VPS13D: variants seen among roughly 807,000 people sequenced by gnomAD.
VPS13D encodes intermembrane lipid transfer protein VPS13D.
A neutral mutation model predicts 461.9 loss-of-function variants in VPS13D; 187 were observed. The ratio of observed to expected loss-of-function variants is 0.40; its 90% CI spans 0.36 to 0.46. The LOEUF is 0.46. Among genes scored for constraint, VPS13D ranks in the 20% least tolerant of loss-of-function variants. The pLI, the probability that VPS13D is intolerant of heterozygous loss-of-function variation, is 0.60. For synonymous variants in VPS13D, 1,951 were observed against 1,986.3 expected (o/e 0.98, Z 0.47); for missense variants, 4,711 against 5,364.9 (o/e 0.88, Z 3.81).
intron 36 of VPS13D, 101 bp from the exon 37 acceptor site, chr1:12,329,728 C>T (rs1643281660): frequency 1.3e-6 from 1 of 796,222 alleles, no homozygotes; most frequent in Admixed American, 2.3e-5. Context: ...GTGTGCTCTC[C>T]TTTGCGAGTA....
chr1:12,487,615 A>G (rs1645815249), intron 67 of VPS13D, among the ~76,000 whole-genome samples: 1 of 151,084 alleles, frequency 6.6e-6, no homozygotes, highest in Non-Finnish European at 1.5e-5. Context: ...CATCTCAAAA[A>G]AAAAAAAAAA....
intron 6 of VPS13D, among the ~76,000 whole-genome samples, chr1:12,252,929 C>T (rs374834411): frequency 6.6e-6 from 1 of 151,938 alleles, no homozygotes; most frequent in East Asian, 1.9e-4. Flanking sequence ...GAGGCCGAGA[C>T]GGGTGGATCA....
chr1:12,426,385 A>G (rs551185606), intron 65 of VPS13D, among the ~76,000 whole-genome samples: 5 of 152,288 alleles, frequency 3.3e-5, no homozygotes, highest in Non-Finnish European at 7.4e-5. Context: ...TCTTTAAGCC[A>G]TTTCCTGAAC....
At chr1:12,399,846 A>G (rs999940105) in intron 60 of VPS13D, among the ~76,000 whole-genome samples, 1 of 152,278 alleles carries the variant, frequency 6.6e-6, no homozygotes, top group East Asian at 1.9e-4. Flanking sequence ...GTATATATTC[A>G]TCGTGTACAA....
intron 31 of VPS13D, among the ~76,000 whole-genome samples, chr1:12,318,992 A>G (rs981867277): frequency 6.6e-6 from 1 of 152,236 alleles, no homozygotes; most frequent in Non-Finnish European, 1.5e-5. Flanking sequence ...TGAATTTACT[A>G]TTAAATATAT....
intron 65 of VPS13D, among the ~76,000 whole-genome samples, chr1:12,419,848 C>T (rs1246409630): frequency 6.6e-6 from 1 of 152,134 alleles, no homozygotes; most frequent in African/African-American, 2.4e-5. Flanking sequence ...GCTGTGCGAA[C>T]ATCATAGAGT....
intron 9 of VPS13D, 56 bp downstream of exon 9, chr1:12,257,143 T>C: frequency 1.3e-6 from 2 of 1,488,464 alleles, no homozygotes; most frequent in East Asian, 2.3e-5. Context: ...TCTTGCTATG[T>C]ACATAGATCA....
At position 12,397,370 on chromosome 1, in the gene VPS13D, C is replaced by T. The variant is rs76462429; in HGVS notation, c.11635-2811C>T. 5.1e-3 allele frequency among the ~76,000 whole-genome samples: 777 copies of T among 152,342 alleles called. 1 individual carries two copies. The highest frequency in any genetic ancestry group is 0.018 in the African/African-American group (751 of 41,558). ...AAAAATAGAAAATAGAGATCCTCTCCTTAGGCAGCATCCGATCTAATTAGG... is the reference window on the plus strand; with the variant it reads ...AAAAATAGAAAATAGAGATCCTCTCTTTAGGCAGCATCCGATCTAATTAGG... On this transcript the variant is annotated intron_variant, in intron 60 of 69. Transcript: ENST00000620676.
intron 36 of VPS13D, among the ~76,000 whole-genome samples, chr1:12,328,776 G>A (rs1485467055): frequency 6.6e-6 from 1 of 152,092 alleles, no homozygotes; most frequent in East Asian, 1.9e-4. Flanking sequence ...CTGACCTCAG[G>A]GATCTGCCCG....
intron 68 of VPS13D, chr1:12,499,658 T>C (rs934615548): frequency 1.0e-6 from 1 of 985,330 alleles, no homozygotes; most frequent in African/African-American, 1.7e-5. Context: ...AATTTTGACT[T>C]TAAAGATGAA....
At position 12,267,918 on chromosome 1, in the gene VPS13D, C is replaced by G; in HGVS notation, c.1799C>G (p.Pro600Arg). 1 of 1,612,854 alleles carries G rather than the reference C, an allele frequency of 6.2e-7. No homozygotes were observed. Among genetic ancestry groups the G allele is most frequent in the Non-Finnish European group, 8.5e-7 (1 of 1,179,402 alleles). The change falls in exon 15 of 70, where the codon CCA becomes CGA. Residue 600 changes from proline to arginine, a missense_variant and splice_region_variant. Pro to Arg is a moderately radical substitution (Grantham distance 103). Around this residue, in one of 3 missense-constraint regions of VPS13D, gnomAD observed 4,411 missense variants for 4,937.8 expected, o/e 0.89. Transcript: ENST00000620676. ...TCTGCAGACAGAAGTGATCATTACCCAGGTAATTTGTCCTATGTTGTTTTT... is the reference window on the plus strand; with the variant it reads ...TCTGCAGACAGAAGTGATCATTACCGAGGTAATTTGTCCTATGTTGTTTTT... ...TTSADRSDHY[P>R]AADPDGPVFE...
At chr1:12,489,155 C>T (rs1570272085) in intron 67 of VPS13D, among the ~76,000 whole-genome samples, 2 of 152,288 alleles carry the variant, frequency 1.3e-5, no homozygotes, top group South Asian at 2.1e-4. Context: ...CAGGTAGTCT[C>T]GCCCCTGAGG....
At chr1:12,377,273 T>C (rs1644212207) in intron 55 of VPS13D, among the ~76,000 whole-genome samples, 1 of 150,808 alleles carries the variant, frequency 6.6e-6, no homozygotes, top group African/African-American at 2.4e-5. Context: ...TTGGCCAGGC[T>C]GGTCTTGAAC....
chr1:12,326,937 C>A (rs530498268), intron 35 of VPS13D, among the ~76,000 whole-genome samples: 44 of 152,160 alleles, frequency 2.9e-4, no homozygotes, highest in African/African-American at 1.0e-3. Context: ...GCCACTGCAC[C>A]CGACCAGTAA....
intron 46 of VPS13D, among the ~76,000 whole-genome samples, chr1:12,353,752 T>C (rs1643862413): frequency 6.6e-6 from 1 of 152,076 alleles, no homozygotes. Context: ...GGATGGTGTT[T>C]ATAGAGGTGT....
At chr1:12,286,820 A>G (rs879803531) in intron 21 of VPS13D, among the ~76,000 whole-genome samples, 2 of 152,138 alleles carry the variant, frequency 1.3e-5, no homozygotes, top group Admixed American at 1.3e-4. Flanking sequence ...CCCAGTGTAC[A>G]TGTTCTTTTG....
At chr1:12,327,996 A>C in intron 36 of VPS13D, 142 bp downstream of exon 36, 1 of 885,760 alleles carries the variant, frequency 1.1e-6, no homozygotes, top group South Asian at 1.9e-5. Flanking sequence ...TATGTTTTTC[A>C]TTATGTATGT....
chr1:12,363,338 A>G, intron 52 of VPS13D, 91 bp downstream of exon 52: 1 of 1,378,994 alleles, frequency 7.3e-7, no homozygotes, highest in South Asian at 1.4e-5. Context: ...ATGGGCACAA[A>G]TATTTCTGGC....
intron 41 of VPS13D, 25 bp from the exon 42 acceptor site, chr1:12,342,874 C>A (rs1233203937): frequency 5.0e-6 from 8 of 1,600,612 alleles, no homozygotes; most frequent in Non-Finnish European, 6.0e-6. Flanking sequence ...CAGGGACAGG[C>A]TGATGTCATC....
Sources: gnomAD v4.1 joint callset for allele counts (sites outside exome capture counted in the v4.1 genomes callset) on GRCh38, gnomAD v4.1.1 for gene constraint, gnomAD v4.1.1 regional missense constraint, MANE v1.5 for transcripts, NCBI Gene and HGNC (gene_info 2026-07-23, HGNC 2026-07-21) for gene names.